TMEM131L: variants seen among roughly 807,000 people sequenced by gnomAD.
The protein encoded by TMEM131L is transmembrane protein 131-like.
In TMEM131L, 54 loss-of-function variants were observed where a neutral mutation model predicts 192.2. That is an observed-to-expected ratio of 0.28 (90% CI 0.23 to 0.35). The LOEUF is 0.35. TMEM131L is among the 10% of genes least tolerant of loss of function. The pLI is 1.00. For synonymous variants in TMEM131L, 701 were observed against 704.9 expected, an observed-to-expected ratio of 0.99 and a Z score of 0.09; for missense variants, 1,888 against 1,972.9, an observed-to-expected ratio of 0.96 and a Z score of 0.82.
chr4:153,561,433 A>G (rs1032332661), intron 7 of TMEM131L, among the ~76,000 whole-genome samples: 4 of 152,146 alleles, frequency 2.6e-5, no homozygotes, highest in African/African-American at 9.7e-5. Flanking sequence ...TTTTAATATT[A>G]TATCTAAAAA....
intron 3 of TMEM131L, among the ~76,000 whole-genome samples, chr4:153,497,708 T>C (rs1308904918): frequency 6.6e-6 from 1 of 152,164 alleles, no homozygotes; most frequent in Non-Finnish European, 1.5e-5. Context: ...AGAAAGTTAT[T>C]TGCCTGCCGA....
intron 3 of TMEM131L, among the ~76,000 whole-genome samples, chr4:153,537,679 A>C (rs1170000101): frequency 6.6e-6 from 1 of 152,164 alleles, no homozygotes; most frequent in African/African-American, 2.4e-5. Context: ...AACCTGTTTC[A>C]TCAGCAAGGC....
intron 26 of TMEM131L, among the ~76,000 whole-genome samples, chr4:153,617,995 G>A (rs889589180): frequency 6.6e-6 from 1 of 150,648 alleles, no homozygotes; most frequent in Non-Finnish European, 1.5e-5. Context: ...ATCAAATATT[G>A]TGTATCAGAG....
intron 7 of TMEM131L, among the ~76,000 whole-genome samples, chr4:153,578,311 G>A (rs1452281488): frequency 6.6e-6 from 1 of 152,052 alleles, no homozygotes; most frequent in Non-Finnish European, 1.5e-5. Flanking sequence ...CGCTATGATT[G>A]TGCCTGTGAA....
chr4:153,532,329 C>T (rs6813917), intron 3 of TMEM131L, among the ~76,000 whole-genome samples: 2,232 of 151,950 alleles, frequency 0.015, 48 homozygotes, highest in African/African-American at 0.05. Context: ...TGTATGGGTA[C>T]ATGTGTGAGA....
intron 4 of TMEM131L, among the ~76,000 whole-genome samples, chr4:153,552,206 C>A (rs1737678246): frequency 6.6e-6 from 1 of 151,612 alleles, no homozygotes; most frequent in Non-Finnish European, 1.5e-5. Context: ...GAGGGAGACT[C>A]TGTCTCAAAA....
chr4:153,570,133 G>A (rs1367256644), intron 7 of TMEM131L, among the ~76,000 whole-genome samples: 1 of 152,182 alleles, frequency 6.6e-6, no homozygotes, highest in Non-Finnish European at 1.5e-5. Flanking sequence ...CACGGTTTCA[G>A]AATTTATAGT....
At chr4:153,547,463 T>G (rs1011184915) in intron 3 of TMEM131L, among the ~76,000 whole-genome samples, 1 of 152,260 alleles carries the variant, frequency 6.6e-6, no homozygotes, top group Non-Finnish European at 1.5e-5. Flanking sequence ...GCTTTTCTTA[T>G]TAGATGAGGG....
At chr4:153,467,438 C>T (rs937674862) in intron 2 of TMEM131L, among the ~76,000 whole-genome samples, 157 bp downstream of exon 2, 3 of 152,210 alleles carry the variant, frequency 2.0e-5, no homozygotes, top group African/African-American at 7.2e-5. Flanking sequence ...CACCTGGCAA[C>T]GGTGGCCTTC....
chr4:153,476,412 G>A (rs1731540012), intron 3 of TMEM131L, among the ~76,000 whole-genome samples: 2 of 152,102 alleles, frequency 1.3e-5, no homozygotes, highest in South Asian at 4.2e-4. Context: ...AATTCCTTGG[G>A]TAGGGCCAGG....
At position 153,479,862 on chromosome 4, in the gene TMEM131L, T is replaced by C. The variant is rs535629148; in HGVS notation, c.239+5974T>C. Among the ~76,000 whole-genome samples, 50 of 152,298 alleles carry C rather than the reference T, an allele frequency of 3.3e-4. 1 individual carries two copies. Among genetic ancestry groups the C allele is most frequent in the African/African-American group, 9.9e-4 (41 of 41,562 alleles). On this transcript the variant is annotated intron_variant, in intron 3 of 34. Transcript: ENST00000409959. ...ACACTCGCTTTTGGCAGTGAAACATTTCAGAGCCCCCACAGGGAGTGGAAC... is the reference window on the plus strand; with the variant it reads ...ACACTCGCTTTTGGCAGTGAAACATCTCAGAGCCCCCACAGGGAGTGGAAC...
intron 29 of TMEM131L, among the ~76,000 whole-genome samples, chr4:153,624,300 G>A (rs936099445): frequency 6.6e-6 from 1 of 152,022 alleles, no homozygotes; most frequent in Non-Finnish European, 1.5e-5. Context: ...TGTATTGTTA[G>A]TAGAGACGGG....
intron 3 of TMEM131L, among the ~76,000 whole-genome samples, chr4:153,543,024 G>C (rs1010082700): frequency 6.6e-6 from 1 of 152,220 alleles, no homozygotes; most frequent in African/African-American, 2.4e-5. Flanking sequence ...CCCAGGTGCT[G>C]TTATTAGCGA....
intron 8 of TMEM131L, 120 bp downstream of exon 8, chr4:153,581,023 G>T: frequency 1.5e-6 from 1 of 665,492 alleles, no homozygotes; most frequent in Non-Finnish European, 2.6e-6. Context: ...GGAGGCCGAG[G>T]CGAGTGGATC....
In TMEM131L at chr4:153,480,293, C is replaced by T. The variant is rs376865165; in HGVS notation, c.239+6405C>T. On this transcript the variant is annotated intron_variant, in intron 3 of 34. Coordinates refer to ENST00000409959, the MANE Select transcript of TMEM131L (RefSeq NM_001131007.2). ...GTCGGAGCTTGCAGCGAGCCGAGAT[C>T]GCGCCACTGCACTCCAGCCTGGGCG... 4.8e-3 allele frequency among the ~76,000 whole-genome samples: 726 copies of T among 152,226 alleles called. 5 individuals are homozygous for T. Among genetic ancestry groups the T allele is most frequent in the African/African-American group, 0.015 (608 of 41,548 alleles).
intron 3 of TMEM131L, among the ~76,000 whole-genome samples, chr4:153,544,893 T>A (rs1217442454): frequency 1.3e-5 from 2 of 152,174 alleles, no homozygotes; most frequent in African/African-American, 4.8e-5. Context: ...CCTTATTAAA[T>A]TGCCAAGAGC....
At chr4:153,550,195 C>A in intron 4 of TMEM131L, 54 bp downstream of exon 4, 1 of 761,544 alleles carries the variant, frequency 1.3e-6, no homozygotes, top group Non-Finnish European at 2.0e-6. Flanking sequence ...TATTTATTTT[C>A]AGAATTTTTT....
At chr4:153,632,259 A>G (rs550955003) in intron 31 of TMEM131L, 47 of 161,116 alleles carry the variant, frequency 2.9e-4, no homozygotes, top group African/African-American at 1.0e-3. Flanking sequence ...GTTGCAGTGA[A>G]CCAAGATGCC....
At chr4:153,562,847 T>C (rs1728932661) in intron 7 of TMEM131L, among the ~76,000 whole-genome samples, 1 of 152,206 alleles carries the variant, frequency 6.6e-6, no homozygotes, top group Admixed American at 6.5e-5. Flanking sequence ...AGAGAAGAAA[T>C]ACTGTTGTTT....
Sources: gnomAD v4.1 joint callset for allele counts (sites outside exome capture counted in the v4.1 genomes callset) on GRCh38, gnomAD v4.1.1 for gene constraint, MANE v1.5 for transcripts, NCBI Gene and HGNC (gene_info 2026-07-23, HGNC 2026-07-21) for gene names.